The following PHKB variants were observed in gnomAD, a reference collection of about 807,000 sequenced individuals.
The protein encoded by PHKB is phosphorylase b kinase regulatory subunit beta.
PHKB carries 122 observed loss-of-function variants against 152.1 expected under a neutral mutation model. The ratio of observed to expected loss-of-function variants is 0.80; its 90% CI spans 0.69 to 0.93. PHKB has a LOEUF of 0.93. PHKB is among the 40% of genes least tolerant of loss of function. PHKB has a pLI of 0.00. For missense variants in PHKB, 1,304 were observed against 1,328.4 expected (o/e 0.98, Z 0.29); for synonymous variants, 436 against 464.9 (o/e 0.94, Z 0.80).
chr16:47,514,231 G>A (rs1374823680), intron 5 of PHKB, among the ~76,000 whole-genome samples: 2 of 152,164 alleles, frequency 1.3e-5, no homozygotes, highest in Non-Finnish European at 2.9e-5. Context: ...GAGGGAGGGA[G>A]GGAAGGAGAG....
chr16:47,493,033 T>C (rs1021531536), intron 1 of PHKB, among the ~76,000 whole-genome samples: 5 of 152,206 alleles, frequency 3.3e-5, no homozygotes, highest in African/African-American at 1.2e-4. Flanking sequence ...GGCTTCCGCC[T>C]CATAGATTGA....
At chr16:47,588,626 C>CT (rs1476455910) in intron 9 of PHKB, among the ~76,000 whole-genome samples, 1 of 152,134 alleles carries the variant, frequency 6.6e-6, no homozygotes, top group African/African-American at 2.4e-5. Context: ...TTGTGAAAAA[C>CT]TAAGTTGTGA....
chr16:47,511,797 T>C (rs1970514516), intron 5 of PHKB, 25 bp downstream of exon 5: 1 of 1,350,216 alleles, frequency 7.4e-7, no homozygotes, highest in African/African-American at 1.4e-5. Context: ...TACATTTTAT[T>C]CTCCTTATAT....
chr16:47,650,501 TTAG>T (rs775494480), intron 18 of PHKB, 40 bp from the exon 19 acceptor site: 1 of 1,121,790 alleles, frequency 8.9e-7, no homozygotes, highest in Non-Finnish European at 1.4e-6. Context: ...CCTGTTCATC[TTAG>T]ATACTGTGCC....
intron 16 of PHKB, among the ~76,000 whole-genome samples, chr16:47,646,572 T>TAAAAAAAAAAAAAGAAAAAAAAA (rs35849346): frequency 9.3e-6 from 1 of 107,736 alleles, no homozygotes. Flanking sequence ...AAAAAAATAA[T>TAAAAAAAAAAAAAGAAAAAAAAA]AAAAAAAAAA....
At chr16:47,587,939 A>T (rs1451901537) in intron 9 of PHKB, among the ~76,000 whole-genome samples, 176 bp downstream of exon 9, 3 of 152,186 alleles carry the variant, frequency 2.0e-5, no homozygotes, top group African/African-American at 7.2e-5. Context: ...TAGCAAGTGG[A>T]CAAGAGTTGT....
chr16:47,528,104 ATTG>A (rs1045050149), intron 6 of PHKB, among the ~76,000 whole-genome samples: 1 of 152,188 alleles, frequency 6.6e-6, no homozygotes, highest in Non-Finnish European at 1.5e-5. Flanking sequence ...TAAGCTTTTT[ATTG>A]TTGTTGTTAT....
chr16:47,526,195 G>A (rs1390774863), intron 6 of PHKB, among the ~76,000 whole-genome samples: 3 of 151,504 alleles, frequency 2.0e-5, no homozygotes, highest in African/African-American at 7.3e-5. Context: ...GGATATCTGA[G>A]GTCAGGAGTT....
chr16:47,656,722 TATA>T (rs1329284516), intron 20 of PHKB, among the ~76,000 whole-genome samples: 1 of 152,096 alleles, frequency 6.6e-6, no homozygotes, highest in Non-Finnish European at 1.5e-5. Flanking sequence ...TTTTTACTAA[TATA>T]ATAAATGAAA....
chr16:47,594,339 G>C (rs1206808088), intron 12 of PHKB, 125 bp downstream of exon 12: 1 of 659,398 alleles, frequency 1.5e-6, no homozygotes, highest in African/African-American at 1.8e-5. Flanking sequence ...AATGATCCCT[G>C]ATATGAAATC....
chr16:47,632,071 CTG>C (rs1425850169), intron 14 of PHKB, among the ~76,000 whole-genome samples: 2 of 152,124 alleles, frequency 1.3e-5, no homozygotes, highest in African/African-American at 4.8e-5. Context: ...ATGCTTCTTT[CTG>C]TGTCACCCTC....
Position 47,661,832 on chromosome 16 carries a change from G to A in PHKB, c.2278+32G>A. ...ATGCATGTCTAGGAGAACATTTTAAGAGGACCTCTCTAGCCTTGAACATAT... is the reference window on the plus strand; with the variant it reads ...ATGCATGTCTAGGAGAACATTTTAAAAGGACCTCTCTAGCCTTGAACATAT... On this transcript the variant is annotated intron_variant, in intron 23 of 30. Coordinates refer to ENST00000323584, the MANE Select transcript of PHKB (RefSeq NM_000293.3). The A allele has an allele frequency of 3.7e-6, 5 of 1,345,970 alleles. No individual in the cohort carries two copies. The Middle Eastern group carries it at 5.4e-4, about 145-fold the overall frequency. The allele number at this position is 1,345,970 out of a possible 1,614,324, so 83.4% of individuals were successfully genotyped here.
intron 4 of PHKB, chr16:47,505,687 C>T (rs1970404009): frequency 6.6e-6 from 1 of 152,152 alleles, no homozygotes; most frequent in East Asian, 1.9e-4. Context: ...GTTTTGATCA[C>T]TTAATATTTT....
intron 6 of PHKB, among the ~76,000 whole-genome samples, chr16:47,530,270 G>A (rs1409271019): frequency 6.6e-6 from 1 of 151,832 alleles, no homozygotes; most frequent in Non-Finnish European, 1.5e-5. Context: ...TAAGTAGCTG[G>A]GATCACAGGC....
In PHKB at chr16:47,693,500, T is replaced by G. The variant is rs1248542534; in HGVS notation, c.2888T>G (p.Leu963Trp). The change falls in exon 28 of 31, where the codon TTG (leucine) becomes TGG (tryptophan). Residue 963 changes from leucine (L) to tryptophan (W), a missense_variant. Physicochemically the swap from Leu to Trp is moderately conservative, Grantham distance 61 (BLOSUM62 -2). Coordinates refer to ENST00000323584, the MANE Select transcript of PHKB (RefSeq NM_000293.3). The stretch of plus-strand genomic sequence containing the variant: ...GGGATCATTGTTGCTGGGAAGCATT[T>G]GCCTCAGGTAAAGCCCCACCATGTT... Reference protein sequence around the residue: ...PNGIIVAGKHLPQQPTLSDMT... With the variant: ...PNGIIVAGKHWPQQPTLSDMT... 2 of 1,614,048 alleles carry G rather than the reference T, an allele frequency of 1.2e-6. No homozygotes were observed. Among genetic ancestry groups the G allele is most frequent in the Admixed American group, 3.3e-5 (2 of 59,996 alleles).
In PHKB at chr16:47,542,688, T is replaced by A. The variant is rs140349517; in HGVS notation, c.595-4745T>A. 7.5e-3 allele frequency among the ~76,000 whole-genome samples: 1,144 copies of A among 152,290 alleles called. 19 individuals carry two copies. The highest frequency in any genetic ancestry group is 0.026 in the African/African-American group (1,084 of 41,552). On this transcript the variant is annotated intron_variant, in intron 6 of 30. Transcript: ENST00000323584. ...TCTTTTATTTCATTTAGCAGTGGTTTGTAGTTTTCCTTAAAGAGGTCCTTC... is the reference window on the plus strand; with the variant it reads ...TCTTTTATTTCATTTAGCAGTGGTTAGTAGTTTTCCTTAAAGAGGTCCTTC...
intron 14 of PHKB, among the ~76,000 whole-genome samples, chr16:47,616,855 G>A (rs537740689): frequency 6.6e-6 from 1 of 151,678 alleles, no homozygotes; most frequent in African/African-American, 2.4e-5. Flanking sequence ...TTTATTGACA[G>A]CAAGCCAGTC....
intron 1 of PHKB, among the ~76,000 whole-genome samples, chr16:47,479,183 T>A (rs933960298): frequency 2.6e-5 from 4 of 152,146 alleles, no homozygotes; most frequent in Admixed American, 6.6e-5. Flanking sequence ...TCAAGGTAGA[T>A]CTTACAAGGT....
In PHKB at chr16:47,649,137, C is replaced by T. The variant is rs775984009; in HGVS notation, c.1730C>T (p.Pro577Leu). ...CTAGGAAAGACTGTGGTTTGTTACC[C>T]GATTATTTTCGACCTAAGTGATTTC... ...RILGKTVVCYPIIFDLSDFYM... is the reference protein window; with the variant it reads ...RILGKTVVCYLIIFDLSDFYM... Residue 577 changes from proline (P) to leucine (L), a missense_variant, in exon 18 of 31, where the codon CCG (proline) becomes CTG (leucine). Pro to Leu is a moderately conservative substitution (Grantham distance 98). Coordinates refer to ENST00000323584, the MANE Select transcript of PHKB (RefSeq NM_000293.3). 82 of 1,609,316 alleles carry T rather than the reference C, an allele frequency of 5.1e-5. No homozygotes were observed. Among genetic ancestry groups the T allele is most frequent in the African/African-American group, 1.3e-4 (10 of 74,902 alleles).
Sources: allele counts gnomAD v4.1 joint callset (sites outside exome capture counted in the v4.1 genomes callset), GRCh38; gene constraint gnomAD v4.1.1; transcripts MANE v1.5; gene names NCBI Gene and HGNC (gene_info 2026-07-23, HGNC 2026-07-21).